RAD51B: variants seen among roughly 807,000 people sequenced by gnomAD.
RAD51B encodes DNA repair protein RAD51 homolog 2.
Under a neutral mutation model 42.2 loss-of-function variants are expected in RAD51B, and 38 were observed. The ratio of observed to expected loss-of-function variants is 0.90; its 90% CI spans 0.70 to 1.18. RAD51B has a LOEUF of 1.18. Ranked by LOEUF, RAD51B falls within the 50% of genes most tolerant of loss-of-function variation. The pLI is 0.00. For missense variants in RAD51B, 373 were observed against 400.7 expected (o/e 0.93, Z 0.59); for synonymous variants, 154 against 145.2 (o/e 1.06, Z -0.43).
chr14:68,665,947 T>C (rs1292521202), intron 11 of RAD51B, among the ~76,000 whole-genome samples: 2 of 152,138 alleles, frequency 1.3e-5, no homozygotes, highest in Non-Finnish European at 2.9e-5. Flanking sequence ...TAGTGATTGG[T>C]TTAGGAATGG....
At position 67,984,055 on chromosome 14, in the gene RAD51B, C is replaced by T. The variant is rs2075142056; in HGVS notation, c.756+96851C>T. Among the ~76,000 whole-genome samples the T allele has an allele frequency of 2.0e-5, 3 of 152,094 alleles. No homozygotes were observed. The South Asian group carries it at 6.2e-4, about 32-fold the overall frequency. On this transcript the variant is annotated intron_variant, in intron 7 of 10. Transcript: ENST00000471583. ...CCAGGTTCAAGTGATTCTCCTGCCT[C>T]AGCCTCCCGAGTAGCTGGGACAACA...
chr14:67,883,364 T>G (rs1341999129), intron 5 of RAD51B, among the ~76,000 whole-genome samples: 2 of 150,376 alleles, frequency 1.3e-5, no homozygotes, highest in Non-Finnish European at 3.0e-5. Flanking sequence ...GACCTAAAGG[T>G]CTTATGTGAT....
At chr14:68,324,504 C>T (rs369883619) in intron 8 of RAD51B, among the ~76,000 whole-genome samples, 4 of 152,278 alleles carry the variant, frequency 2.6e-5, no homozygotes, top group East Asian at 3.9e-4. Flanking sequence ...CAGGACTGGC[C>T]GGGGCTCAGT....
At chr14:68,237,955 G>A (rs1393285291) in intron 7 of RAD51B, among the ~76,000 whole-genome samples, 2 of 151,910 alleles carry the variant, frequency 1.3e-5, no homozygotes, top group African/African-American at 4.8e-5. Context: ...AGATGGTCTC[G>A]ATCTCCTGAC....
At chr14:68,222,928 A>G (rs924555472) in intron 7 of RAD51B, among the ~76,000 whole-genome samples, 3 of 152,218 alleles carry the variant, frequency 2.0e-5, no homozygotes, top group East Asian at 3.9e-4. Context: ...GCGGATGCAC[A>G]CATACCCTGA....
At chr14:68,534,864 T>C (rs1008570166) in intron 10 of RAD51B, among the ~76,000 whole-genome samples, 2 of 152,174 alleles carry the variant, frequency 1.3e-5, no homozygotes, top group East Asian at 1.9e-4. Context: ...TACATATTTG[T>C]TGATTGATTG....
intron 7 of RAD51B, among the ~76,000 whole-genome samples, chr14:68,018,445 G>A (rs2075812339): frequency 6.6e-6 from 1 of 152,090 alleles, no homozygotes. Flanking sequence ...TTCTGTTAAG[G>A]TTTTACTTCT....
chr14:68,445,417 T>C (rs1215929974), intron 9 of RAD51B, among the ~76,000 whole-genome samples: 1 of 152,236 alleles, frequency 6.6e-6, no homozygotes. Context: ...CATCAAGTAC[T>C]TGACCATTTG....
At chr14:67,940,515 A>G (rs2045161637) in intron 7 of RAD51B, among the ~76,000 whole-genome samples, 1 of 152,122 alleles carries the variant, frequency 6.6e-6, no homozygotes, top group African/African-American at 2.4e-5. Flanking sequence ...TGGAAACACA[A>G]TAACAATAGT....
chr14:67,895,160 A>G (rs1005637537), intron 7 of RAD51B, among the ~76,000 whole-genome samples: 2 of 152,218 alleles, frequency 1.3e-5, no homozygotes, highest in African/African-American at 4.8e-5. Context: ...GCATAATTCT[A>G]AAGTTGTATG....
rs1054870179 is a variant in RAD51B at position 67,880,470 on chromosome 14, A to G, written c.453-5399A>G. On this transcript the variant is annotated intron_variant, in intron 5 of 10. Transcript: ENST00000471583. ...TTCAGAATGTAGTAGAAGTGCTTCTATTTTGTCAAACAGAATATTAAAAAT... is the reference window on the plus strand; with the variant it reads ...TTCAGAATGTAGTAGAAGTGCTTCTGTTTTGTCAAACAGAATATTAAAAAT... Among the ~76,000 whole-genome samples the G allele has an allele frequency of 1.3e-4, 20 of 152,276 alleles. No individual in the cohort carries two copies. In the East Asian group the frequency reaches 1.7e-3, roughly 13 times the overall value.
chr14:68,276,149 TTCCAGTATTCCAGAGTTCCTCC>T (rs1742403493), intron 7 of RAD51B, among the ~76,000 whole-genome samples: 1 of 152,218 alleles, frequency 6.6e-6, no homozygotes, highest in Non-Finnish European at 1.5e-5. Flanking sequence ...TGTTAATGAC[TTCCAGTATTCCAGAGTTCCTCC>T]TCTGAAATAC....
At chr14:67,857,388 A>G (rs1018917680) in intron 4 of RAD51B, among the ~76,000 whole-genome samples, 2 of 152,230 alleles carry the variant, frequency 1.3e-5, no homozygotes, top group Non-Finnish European at 2.9e-5. Context: ...ATTTTCTCCA[A>G]GACTATACTG....
At chr14:68,070,560 T>A (rs2076725144) in intron 7 of RAD51B, among the ~76,000 whole-genome samples, 1 of 152,188 alleles carries the variant, frequency 6.6e-6, no homozygotes, top group African/African-American at 2.4e-5. Context: ...CTTGTTTTTA[T>A]TGACTCTGTT....
At chr14:68,412,832 G>C (rs1049962700) in intron 9 of RAD51B, among the ~76,000 whole-genome samples, 3 of 152,202 alleles carry the variant, frequency 2.0e-5, no homozygotes, top group Non-Finnish European at 4.4e-5. Context: ...ACCTTTGGTA[G>C]TAAATCATGT....
intron 7 of RAD51B, among the ~76,000 whole-genome samples, chr14:68,229,302 A>T (rs924618635): frequency 1.3e-5 from 2 of 152,208 alleles, no homozygotes; most frequent in Non-Finnish European, 2.9e-5. Flanking sequence ...AAACCTGGTC[A>T]CTATTGGCCT....
chr14:67,898,348 A>T (rs2043492470), intron 7 of RAD51B, among the ~76,000 whole-genome samples: 1 of 152,228 alleles, frequency 6.6e-6, no homozygotes, highest in Admixed American at 6.5e-5. Context: ...AGAATACATG[A>T]TCCCACTTTT....
chr14:68,528,913 C>T (rs572482791), intron 10 of RAD51B, among the ~76,000 whole-genome samples: 1 of 152,242 alleles, frequency 6.6e-6, no homozygotes, highest in African/African-American at 2.4e-5. Flanking sequence ...TAACTTGCTC[C>T]CAGTCTCTCA....
chr14:68,141,081 C>A (rs894334256), intron 7 of RAD51B, among the ~76,000 whole-genome samples: 6 of 152,102 alleles, frequency 3.9e-5, no homozygotes, highest in African/African-American at 1.4e-4. Flanking sequence ...ATAGGGTCAC[C>A]CTTGTTACTG....
Sources: allele counts gnomAD v4.1 joint callset (sites outside exome capture counted in the v4.1 genomes callset), GRCh38; gene constraint gnomAD v4.1.1; transcripts MANE v1.5; gene names NCBI Gene and HGNC (gene_info 2026-07-23, HGNC 2026-07-21).